B3GALNT2: variants seen among roughly 807,000 people sequenced by gnomAD.
B3GALNT2 encodes beta-1,3-N-acetylgalactosaminyltransferase 2.
A neutral mutation model predicts 61.1 loss-of-function variants in B3GALNT2; 53 were observed. That is an observed-to-expected ratio of 0.87 (90% CI 0.70 to 1.09). The LOEUF (loss-of-function observed/expected upper bound fraction) is 1.09. Ranked by LOEUF, B3GALNT2 falls within the 50% of genes least tolerant of loss-of-function variation. The probability of loss-of-function intolerance (pLI) is 0.00; values close to 1 mark genes in which losing one functional copy is unlikely to be tolerated. For synonymous variants in B3GALNT2, 223 were observed against 237.4 expected (o/e 0.94, Z 0.56); for missense variants, 544 against 623.0 (o/e 0.87, Z 1.35).
At chr1:235,503,691 C>A (rs1451411909) in intron 1 of B3GALNT2, among the ~76,000 whole-genome samples, 2 of 152,210 alleles carry the variant, frequency 1.3e-5, no homozygotes, top group Non-Finnish European at 2.9e-5. Context: ...CACGCACACA[C>A]ATTATCCACG....
chr1:235,441,375 G>T, the B3GALNT2 span: 1 of 257,916 alleles, frequency 3.9e-6, no homozygotes, highest in Non-Finnish European at 7.5e-6. Context: ...CCTGTGGATC[G>T]TGTCTCAGGT....
At chr1:235,455,860 A>G (rs1683145823) in intron 8 of B3GALNT2, among the ~76,000 whole-genome samples, 176 bp from the exon 9 acceptor site, 1 of 152,216 alleles carries the variant, frequency 6.6e-6, no homozygotes. Flanking sequence ...TAAGGCCATC[A>G]CTTGGTCTTT....
intron 11 of B3GALNT2, chr1:235,450,987 T>C (rs1682863519): frequency 6.6e-6 from 1 of 152,178 alleles, no homozygotes; most frequent in African/African-American, 2.4e-5. Context: ...AACACAAAAA[T>C]GTTGGATAAA....
At chr1:235,481,408 G>A (rs771462249) in intron 4 of B3GALNT2, among the ~76,000 whole-genome samples, 2 of 152,066 alleles carry the variant, frequency 1.3e-5, no homozygotes, top group African/African-American at 2.4e-5. Context: ...GTGCAATCAC[G>A]GCTCACTGTA....
chr1:235,460,308 G>T (rs1449998342), intron 7 of B3GALNT2, among the ~76,000 whole-genome samples: 2 of 149,656 alleles, frequency 1.3e-5, no homozygotes, highest in African/African-American at 4.9e-5. Context: ...ACAAACAATT[G>T]TAAAAATTGT....
downstream of B3GALNT2, among the ~76,000 whole-genome samples, chr1:235,444,593 T>C (rs1015213453): frequency 1.3e-5 from 2 of 152,116 alleles, no homozygotes; most frequent in Admixed American, 6.6e-5. Context: ...TTAGTAGAGA[T>C]GAAGCCTCGC....
At chr1:235,496,292 C>T (rs1205909352) in intron 1 of B3GALNT2, 4 of 739,504 alleles carry the variant, frequency 5.4e-6, no homozygotes, top group South Asian at 2.3e-5. Flanking sequence ...GCCTGGGCAA[C>T]AAGAGTGAGA....
the B3GALNT2 span, among the ~76,000 whole-genome samples, chr1:235,440,034 G>A: frequency 6.6e-6 from 1 of 151,766 alleles, no homozygotes; most frequent in African/African-American, 2.4e-5. Flanking sequence ...GCAGTGCCGC[G>A]ATCTCCGCTC....
At chr1:235,501,630 T>C (rs76381543) in intron 1 of B3GALNT2, among the ~76,000 whole-genome samples, 1,782 of 152,250 alleles carry the variant, frequency 0.012, 33 homozygotes, top group African/African-American at 0.039. Context: ...GGCTCTCAAA[T>C]ATTTGCTGAA....
chr1:235,467,378 A>T (rs1353045117), intron 6 of B3GALNT2, among the ~76,000 whole-genome samples: 1 of 152,028 alleles, frequency 6.6e-6, no homozygotes, highest in Non-Finnish European at 1.5e-5. Context: ...AATAAAATAA[A>T]AGTTCGTAGC....
chr1:235,448,235 A>G lies in B3GALNT2; in HGVS notation c.*1971T>C. The G allele has an allele frequency of 1.2e-6, 1 of 828,574 alleles. No homozygotes were observed. Among genetic ancestry groups the G allele is most frequent in the Non-Finnish European group, 1.9e-6 (1 of 520,032 alleles). The allele number at this position is 828,574 out of a possible 1,614,324, so 51.3% of individuals were successfully genotyped here. A position where few individuals can be genotyped will look rare whatever the true frequency, so the allele number is the denominator to read the frequency against. ...AAGTCAGTCTCAAAAAAAAAAAAAA[A>G]AAAAAGACAGATACAGCTATCATTG... On this transcript the variant is annotated 3_prime_UTR_variant, in exon 12 of 12. Coordinates refer to ENST00000366600, the MANE Select transcript of B3GALNT2 (RefSeq NM_152490.5).
At chr1:235,446,364 A>T (rs543565470), downstream of B3GALNT2, among the ~76,000 whole-genome samples, 3 of 152,144 alleles carry the variant, frequency 2.0e-5, no homozygotes, top group South Asian at 6.2e-4. Flanking sequence ...TTTAGTAGAG[A>T]CGGGGTTTCT....
At chr1:235,476,709 G>A (rs1305635889) in intron 5 of B3GALNT2, among the ~76,000 whole-genome samples, 1 of 151,978 alleles carries the variant, frequency 6.6e-6, no homozygotes, top group African/African-American at 2.4e-5. Flanking sequence ...AAATTAGCCG[G>A]TGTGGTGGCA....
intron 5 of B3GALNT2, among the ~76,000 whole-genome samples, chr1:235,474,978 TATA>T (rs1684192183): frequency 4.1e-4 from 13 of 32,012 alleles, no homozygotes; most frequent in African/African-American, 2.0e-3. Flanking sequence ...TATATATATA[TATA>T]TATATATTTT....
chr1:235,494,818 G>A lies in B3GALNT2; in HGVS notation c.123C>T (p.Ala41=), dbSNP rs1321967195. The A allele has an allele frequency of 1.2e-6, 2 of 1,606,198 alleles. No individual in the cohort carries two copies. The highest frequency in any genetic ancestry group is 3.3e-4 in the Middle Eastern group (2 of 6,044). ...GAGTAGATTTCCACTGAGGAAATAAGGCCAACTGATCTAGAAATAAGAACA... is the reference window on the plus strand; with the variant it reads ...GAGTAGATTTCCACTGAGGAAATAAAGCCAACTGATCTAGAAATAAGAACA... ...ASGAGPADQL[A]LFPQWKSTHY... Residue 41 remains alanine (A), a synonymous_variant, in exon 2 of 12, where the codon GCC becomes GCT. Coordinates refer to ENST00000366600, the MANE Select transcript of B3GALNT2 (RefSeq NM_152490.5).
chr1:235,463,714 CCGA>C (rs1572499678), intron 7 of B3GALNT2: 1 of 151,856 alleles, frequency 6.6e-6, no homozygotes, highest in East Asian at 1.9e-4. Context: ...TTACAGGCGC[CCGA>C]CACCATGCCT....
Position 235,448,814 on chromosome 1 carries a change from A to G in B3GALNT2, c.*1392T>C. 7.7e-7 allele frequency: 1 copy of G among 1,303,186 alleles called. No homozygotes were observed. Among genetic ancestry groups the G allele is most frequent in the Non-Finnish European group, 1.1e-6 (1 of 901,898 alleles). 80.7% of individuals were successfully genotyped at this position (1,303,186 alleles called of 1,614,324 possible). On this transcript the variant is annotated 3_prime_UTR_variant, in exon 12 of 12. Coordinates refer to ENST00000366600, the MANE Select transcript of B3GALNT2 (RefSeq NM_152490.5). ...ACACTGCTTATCGTGTCTGGGGTTC[A>G]CCGGAAATAAATGATTCACTGGAAC...
At position 235,454,280 on chromosome 1, in the gene B3GALNT2, T is replaced by TTTCCG. The variant is rs757519127; in HGVS notation, c.1182_1186dup (p.Lys396ThrfsTer24). On this transcript the variant is annotated frameshift_variant, in exon 10 of 12. Transcript: ENST00000366600. LOFTEE classifies it high-confidence loss of function. ...GCTCGGGTACTCCAACTCCTGCCAC[T>TTTCCG]TTCCGGTTCGGTCAACTGCCCAATT... The TTTCCG allele has an allele frequency of 6.2e-6, 10 of 1,613,508 alleles. No homozygotes were observed. Among genetic ancestry groups the TTTCCG allele is most frequent in the Non-Finnish European group, 7.6e-6 (9 of 1,179,530 alleles).
chr1:235,486,994 C>T (rs142018663), intron 3 of B3GALNT2, among the ~76,000 whole-genome samples: 6,785 of 151,938 alleles, frequency 0.045, 252 homozygotes, highest in African/African-American at 0.098. Flanking sequence ...TGTGGTGAAA[C>T]CCCATCTCTA....
Sources: allele counts gnomAD v4.1 joint callset (sites outside exome capture counted in the v4.1 genomes callset), GRCh38; gene constraint gnomAD v4.1.1; transcripts MANE v1.5; gene names NCBI Gene and HGNC (gene_info 2026-07-23, HGNC 2026-07-21).